Variants in TRPV3 observed in about 807,000 individuals in gnomAD.
The protein encoded by TRPV3 is transient receptor potential cation channel subfamily V member 3.
A neutral mutation model predicts 87.1 loss-of-function variants in TRPV3; 88 were observed. The ratio of observed to expected loss-of-function variants is 1.01; its 90% CI spans 0.85 to 1.21. The LOEUF (loss-of-function observed/expected upper bound fraction) is 1.21, where lower values mean the gene tolerates loss of function less well. Among genes scored for constraint, TRPV3 ranks in the 50% most tolerant of loss-of-function variants. The pLI is 0.00. For missense variants in TRPV3, 1,054 were observed against 1,030.1 expected (o/e 1.02, Z -0.32); for synonymous variants, 438 against 423.3 (o/e 1.03, Z -0.43).
rs748237281 is a variant in TRPV3, at chr17:3,516,418, C to T, written c.2198+39G>A. The T allele has an allele frequency of 3.4e-5, 52 of 1,551,282 alleles. 1 individual carries two copies. The Admixed American group carries it at 8.5e-4, about 25-fold the overall frequency. The stretch of plus-strand genomic sequence containing the variant: ...ACCATCCTGCCCCTCTCTACCCACC[C>T]CAAAGACCACCACCCCAGGGCCCTT... On this transcript the variant is annotated intron_variant, in intron 16 of 17. Coordinates refer to ENST00000576742, the MANE Select transcript of TRPV3 (RefSeq NM_145068.4).
At chr17:3,541,930 C>A (rs575035174) in intron 6 of TRPV3, among the ~76,000 whole-genome samples, 1 of 150,526 alleles carries the variant, frequency 6.6e-6, no homozygotes, top group African/African-American at 2.4e-5. Flanking sequence ...GACTTTCTTT[C>A]TTTTCTTTGT....
At chr17:3,516,690 G>C in intron 15 of TRPV3, 121 bp from the exon 16 acceptor site, 1 of 724,228 alleles carries the variant, frequency 1.4e-6, no homozygotes. Flanking sequence ...GATCGCAAGG[G>C]TTTGGCTAAT....
At chr17:3,535,464 T>A (rs2074400084) in intron 7 of TRPV3, 109 bp downstream of exon 7, 6 of 741,770 alleles carry the variant, frequency 8.1e-6, no homozygotes, top group Non-Finnish European at 6.9e-6. Context: ...CCTCCTTCCC[T>A]CTTTCTTCCC....
rs2074477311 is a variant in TRPV3, at chr17:3,542,640, G to A, written c.525C>T (p.Ala175=). The stretch of plus-strand genomic sequence containing the variant: ...TGGTGTTGGGGTTGATGTTTAACAA[G>A]GCCTTCATCAGGCAGGTCTTCCCCG... ...SDTGKTCLMK[A]LLNINPNTKE... The change falls in exon 6 of 18, where the codon GCC becomes GCT. Residue 175 remains alanine (A), a synonymous_variant. Transcript: ENST00000576742. 9 of 1,613,966 alleles carry A rather than the reference G, an allele frequency of 5.6e-6. No homozygotes were observed. Among genetic ancestry groups the A allele is most frequent in the Non-Finnish European group, 7.6e-6 (9 of 1,179,910 alleles).
chr17:3,530,956 T>C lies in TRPV3; in HGVS notation c.1066-753A>G, dbSNP rs531861886. Among the ~76,000 whole-genome samples, 2 of 151,968 alleles carry C rather than the reference T, an allele frequency of 1.3e-5. No individual in the cohort carries two copies. The highest frequency in any genetic ancestry group is 3.9e-4 in the East Asian group (2 of 5,154). ...CTGTAACCCCAGCTACTCAGGAGGC[T>C]GAGGCAGGAGAGTCGCTTGAACCTG... On this transcript the variant is annotated intron_variant, in intron 8 of 17. Transcript: ENST00000576742. The surrounding 1 kb of genome is among the most constrained non-coding windows in gnomAD (Gnocchi z 4.0).
At position 3,534,643 on chromosome 17, in the gene TRPV3, A is replaced by ATT. The variant is rs36088640; in HGVS notation, c.784+928_784+929dup. ...CACTATATCTAAATTATGCATTTCA[A>ATT]TTTTTTTTTTTTTTCCTAGAGCATC... On this transcript the variant is annotated intron_variant, in intron 7 of 17. Transcript: ENST00000576742. Among the ~76,000 whole-genome samples the ATT allele has an allele frequency of 6.1e-5, 9 of 147,012 alleles. No individual in the cohort carries two copies. In the South Asian group the frequency reaches 8.7e-4, roughly 14 times the overall value.
In TRPV3 at chr17:3,528,691, T is replaced by C. The variant is rs2074321653; in HGVS notation, c.1401+146A>G. 3 of 936,226 alleles carry C rather than the reference T, an allele frequency of 3.2e-6. No homozygotes were observed. In the South Asian group the frequency reaches 5.2e-5, roughly 16 times the overall value. 58.0% of individuals were successfully genotyped at this position (936,226 alleles called of 1,614,324 possible). ...GCTAAGCACTGAAGACATATTCAGT[T>C]CCCTGGGAAGCGTGAAGGACAACTG... On this transcript the variant is annotated intron_variant, in intron 10 of 17. Transcript: ENST00000576742. This position sits in a 1 kb window ranked among gnomAD's most constrained non-coding sequence, Gnocchi z 4.2.
intron 2 of TRPV3, among the ~76,000 whole-genome samples, chr17:3,552,024 A>G (rs1026603668): frequency 2.7e-5 from 4 of 150,406 alleles, no homozygotes; most frequent in African/African-American, 9.8e-5. Context: ...CTGGGATTAC[A>G]GGTGCCTACC....
Position 3,535,677 on chromosome 17 carries a change from T to TGCC in TRPV3, c.677_679dup (p.Arg226dup). ...GATGAGCAGGGCTGCGATGTCCCCC[T>TGCC]GCCGCCGCTCGATGGCGATGTTCAG... On this transcript the variant is annotated inframe_insertion, in exon 7 of 18. Coordinates refer to ENST00000576742, the MANE Select transcript of TRPV3 (RefSeq NM_145068.4). 6.3e-7 allele frequency: 1 copy of TGCC among 1,591,350 alleles called. No homozygotes were observed. Among genetic ancestry groups the TGCC allele is most frequent in the Non-Finnish European group, 8.5e-7 (1 of 1,171,104 alleles).
chr17:3,513,748 A>T lies in TRPV3; in HGVS notation c.*169T>A, dbSNP rs1359233495. ...ATGTTTCCCACTCAGACAAATTGAC[A>T]ACTGCCCCTCAGTTCAGACACCCAC... On this transcript the variant is annotated 3_prime_UTR_variant, in exon 18 of 18. Coordinates refer to ENST00000576742, the MANE Select transcript of TRPV3 (RefSeq NM_145068.4). The T allele has an allele frequency of 1.9e-6, 1 of 536,048 alleles. No homozygotes were observed. Among genetic ancestry groups the T allele is most frequent in the African/African-American group, 1.9e-5 (1 of 52,916 alleles). 33.2% of individuals were successfully genotyped at this position (536,048 alleles called of 1,614,324 possible). A position where few individuals can be genotyped will look rare whatever the true frequency, so the allele number is the denominator to read the frequency against.
chr17:3,529,037 A>G, intron 9 of TRPV3, 42 bp from the exon 10 acceptor site: 1 of 1,611,978 alleles, frequency 6.2e-7, no homozygotes. Flanking sequence ...GATGAGGGAG[A>G]GAGGGAGGGA....
At chr17:3,538,208 GC>G (rs1328624974) in intron 6 of TRPV3, among the ~76,000 whole-genome samples, 5 of 151,834 alleles carry the variant, frequency 3.3e-5, no homozygotes, top group Admixed American at 6.6e-5. Flanking sequence ...AAATAGAAAG[GC>G]ATTGTGTTTT....
chr17:3,518,465 G>T lies in TRPV3; in HGVS notation c.2085+111C>A. The T allele has an allele frequency of 7.8e-7, 1 of 1,285,944 alleles. No homozygotes were observed. The highest frequency in any genetic ancestry group is 1.5e-5 in the South Asian group (1 of 64,858). 79.7% of individuals were successfully genotyped at this position (1,285,944 alleles called of 1,614,324 possible). ...CCTGGCCACACACTGAGGAGCTTGT[G>T]CAGATTCTCAGGCCCCACCTCAGAC... On this transcript the variant is annotated intron_variant, in intron 15 of 17. Transcript: ENST00000576742. This position sits in a 1 kb window ranked among gnomAD's most constrained non-coding sequence, Gnocchi z 4.3.
At chr17:3,520,402 G>T (rs1215772877) in intron 14 of TRPV3, among the ~76,000 whole-genome samples, 1 of 152,134 alleles carries the variant, frequency 6.6e-6, no homozygotes, top group African/African-American at 2.4e-5. Flanking sequence ...GTATTAGTTT[G>T]CTCCTACTTT....
rs528887042 is a variant in TRPV3 at position 3,556,041 on chromosome 17, G to A, written c.-2-1189C>T. On this transcript the variant is annotated intron_variant, in intron 1 of 17. Transcript: ENST00000576742. The surrounding 1 kb of genome is among the most constrained non-coding windows in gnomAD (Gnocchi z 4.2). ...AAATACAAAAAATTAGCCGGGCATG[G>A]TGGTACATGCCTGTAGTCCCAGCTA... 2.2e-4 allele frequency among the ~76,000 whole-genome samples: 34 copies of A among 152,214 alleles called. No individual in the cohort carries two copies. Among genetic ancestry groups the A allele is most frequent in the African/African-American group, 7.5e-4 (31 of 41,542 alleles).
chr17:3,546,665 G>T (rs1314433487), intron 2 of TRPV3: 1 of 455,846 alleles, frequency 2.2e-6, no homozygotes, highest in East Asian at 7.0e-5. Context: ...GCAGCAGATA[G>T]GTAGCAAAGT....
chr17:3,524,808 C>CA (rs56919647), intron 12 of TRPV3, among the ~76,000 whole-genome samples: 6,925 of 81,766 alleles, frequency 0.085, 443 homozygotes, highest in African/African-American at 0.23. Context: ...CTTGTCTCTA[C>CA]AAAAAAAAAA....
At chr17:3,529,935 G>A in intron 9 of TRPV3, 92 bp downstream of exon 9, 1 of 1,423,938 alleles carries the variant, frequency 7.0e-7, no homozygotes, top group Non-Finnish European at 9.5e-7. Flanking sequence ...GATGGAGCTG[G>A]CAGCACTGGG....
Position 3,556,039 on chromosome 17 carries a change from T to C in TRPV3, c.-2-1187A>G, listed in dbSNP as rs988291801. On this transcript the variant is annotated intron_variant, in intron 1 of 17. Coordinates refer to ENST00000576742, the MANE Select transcript of TRPV3 (RefSeq NM_145068.4). The surrounding 1 kb of genome is among the most constrained non-coding windows in gnomAD (Gnocchi z 4.2). Reference sequence around the variant, plus strand: ...TAAAATACAAAAAATTAGCCGGGCATGGTGGTACATGCCTGTAGTCCCAGC... The same window carrying C: ...TAAAATACAAAAAATTAGCCGGGCACGGTGGTACATGCCTGTAGTCCCAGC... Among the ~76,000 whole-genome samples, 1 of 151,692 alleles carries C rather than the reference T, an allele frequency of 6.6e-6. No individual in the cohort carries two copies. The highest frequency in any genetic ancestry group is 1.5e-5 in the Non-Finnish European group (1 of 67,912).
Sources: allele counts gnomAD v4.1 joint callset (sites outside exome capture counted in the v4.1 genomes callset), GRCh38; gene constraint gnomAD v4.1.1; non-coding constraint Gnocchi (gnomAD v3.1); transcripts MANE v1.5; gene names NCBI Gene and HGNC (gene_info 2026-07-23, HGNC 2026-07-21).